The following NOX4 variants were observed in gnomAD, a reference collection of about 807,000 sequenced individuals.
NOX4 encodes NADPH oxidase 4, also known as kidney oxidase-1.
NOX4 carries 69 observed loss-of-function variants against 87.6 expected under a neutral mutation model. The ratio of observed to expected loss-of-function variants is 0.79; its 90% CI spans 0.65 to 0.96. The LOEUF (loss-of-function observed/expected upper bound fraction) is 0.96, where lower values mean the gene tolerates loss of function less well. Ranked by LOEUF, NOX4 falls within the 40% of genes least tolerant of loss-of-function variation. The pLI, the probability that NOX4 is intolerant of heterozygous loss-of-function variation, is 0.00. For missense variants in NOX4, 680 were observed against 681.5 expected, an observed-to-expected ratio of 1.00 and a Z score of 0.02; for synonymous variants, 275 against 238.2, an observed-to-expected ratio of 1.15 and a Z score of -1.42.
chr11:89,440,519 T>C (rs1944409498), intron 6 of NOX4, among the ~76,000 whole-genome samples, 169 bp downstream of exon 6: 2 of 151,954 alleles, frequency 1.3e-5, no homozygotes, highest in Non-Finnish European at 2.9e-5. Flanking sequence ...GAGATGGGGT[T>C]TCATCATGTT....
At chr11:89,584,967 G>C in the NOX4 span, among the ~76,000 whole-genome samples, 2 of 152,080 alleles carry the variant, frequency 1.3e-5, no homozygotes, top group African/African-American at 4.8e-5. Flanking sequence ...TAGCCTAGGG[G>C]TGTTAAGTTG....
the NOX4 span, among the ~76,000 whole-genome samples, chr11:89,571,939 T>G: frequency 6.6e-6 from 1 of 152,222 alleles, no homozygotes; most frequent in Non-Finnish European, 1.5e-5. Flanking sequence ...CTGCATTGTT[T>G]ATGTAAAAAT....
At chr11:89,533,412 G>A in the NOX4 span, among the ~76,000 whole-genome samples, 3 of 150,936 alleles carry the variant, frequency 2.0e-5, no homozygotes, top group Admixed American at 1.3e-4. Context: ...AAATCTCACA[G>A]CAATACAACA....
chr11:89,453,208 C>T (rs1427040731), intron 2 of NOX4, among the ~76,000 whole-genome samples: 1 of 151,814 alleles, frequency 6.6e-6, no homozygotes, highest in African/African-American at 2.4e-5. Flanking sequence ...CTGTCCACTC[C>T]CATCCCCATG....
the NOX4 span, among the ~76,000 whole-genome samples, chr11:89,508,733 ATGCTGTGTTACGTAG>A: frequency 1.3e-5 from 2 of 152,184 alleles, no homozygotes; most frequent in Admixed American, 1.3e-4. Context: ...CCTGTTCTCA[ATGCTGTGTTACGTAG>A]TGCTCAAAAC....
chr11:89,460,492 G>A (rs1050973642), intron 2 of NOX4, among the ~76,000 whole-genome samples: 1 of 152,130 alleles, frequency 6.6e-6, no homozygotes, highest in African/African-American at 2.4e-5. Flanking sequence ...CAAAAAGTGG[G>A]CGAAGGATAT....
intron 2 of NOX4, among the ~76,000 whole-genome samples, chr11:89,476,024 C>T (rs1487085820): frequency 1.3e-5 from 2 of 152,112 alleles, no homozygotes; most frequent in African/African-American, 4.8e-5. Flanking sequence ...CTGCCATGTA[C>T]AAAACAAAAC....
chr11:89,571,778 T>C, the NOX4 span, among the ~76,000 whole-genome samples: 80,255 of 151,698 alleles, frequency 0.53, 22,224 homozygotes, highest in African/African-American at 0.69. Flanking sequence ...AAACCTGCCT[T>C]CCATTGTATT....
At chr11:89,393,417 CT>C (rs1462748810) in intron 11 of NOX4, among the ~76,000 whole-genome samples, 1 of 151,692 alleles carries the variant, frequency 6.6e-6, no homozygotes, top group Non-Finnish European at 1.5e-5. Flanking sequence ...CTAAAACTTT[CT>C]GCCTATTGGG....
At chr11:89,413,826 C>T (rs3907859) in intron 8 of NOX4, among the ~76,000 whole-genome samples, 62,797 of 151,816 alleles carry the variant, frequency 0.41, 13,406 homozygotes, top group East Asian at 0.56. Flanking sequence ...ATGAATATCT[C>T]ATTTATGCAA....
intron 13 of NOX4, among the ~76,000 whole-genome samples, chr11:89,352,042 T>C (rs1946478441): frequency 6.6e-6 from 1 of 152,076 alleles, no homozygotes; most frequent in African/African-American, 2.4e-5. Context: ...CACTTAAAAG[T>C]GGGAGCTAGA....
At chr11:89,412,686 T>G (rs943239553) in intron 8 of NOX4, among the ~76,000 whole-genome samples, 1 of 151,932 alleles carries the variant, frequency 6.6e-6, no homozygotes, top group African/African-American at 2.4e-5. Flanking sequence ...AAATCAAAAT[T>G]GATTGAAGAC....
At chr11:89,451,481 T>C (rs565838282) in intron 3 of NOX4, among the ~76,000 whole-genome samples, 86 of 152,294 alleles carry the variant, frequency 5.6e-4, no homozygotes, top group Admixed American at 1.4e-3. Flanking sequence ...TGAGGTTTCT[T>C]GTGTGTGAAA....
chr11:89,390,443 T>C (rs1207343297), intron 11 of NOX4, among the ~76,000 whole-genome samples: 1 of 152,218 alleles, frequency 6.6e-6, no homozygotes, highest in African/African-American at 2.4e-5. Context: ...CCAACTATTG[T>C]AACAATTTAA....
At chr11:89,509,235 C>T in the NOX4 span, among the ~76,000 whole-genome samples, 2 of 87,016 alleles carry the variant, frequency 2.3e-5, no homozygotes, top group Non-Finnish European at 5.2e-5. Flanking sequence ...AACAATATAT[C>T]TTGATTACTA....
chr11:89,407,812 A>G (rs1189721805), intron 8 of NOX4, among the ~76,000 whole-genome samples: 3 of 149,960 alleles, frequency 2.0e-5, no homozygotes, highest in Non-Finnish European at 4.4e-5. Context: ...ACCACACCTG[A>G]CAAAAGGACA....
intron 12 of NOX4, among the ~76,000 whole-genome samples, chr11:89,358,939 A>G (rs1387671659): frequency 5.9e-5 from 9 of 152,052 alleles, no homozygotes; most frequent in Admixed American, 5.9e-4. Context: ...ACTGGAAAAA[A>G]AAAAACAGGA....
intron 8 of NOX4, among the ~76,000 whole-genome samples, chr11:89,415,899 G>A (rs1350950091): frequency 6.6e-6 from 1 of 152,056 alleles, no homozygotes; most frequent in African/African-American, 2.4e-5. Context: ...CCATGGTAGT[G>A]GACATCTAAT....
At chr11:89,486,652 ATGTGTATATATACATATATATG>A (rs1419765519) in intron 2 of NOX4, among the ~76,000 whole-genome samples, 4 of 111,736 alleles carry the variant, frequency 3.6e-5, no homozygotes, top group African/African-American at 1.6e-4. Context: ...GTGTGTATAT[ATGTGTATATATACATATATATG>A]TGTGTATATA....
Sources: gnomAD v4.1 joint callset for allele counts (sites outside exome capture counted in the v4.1 genomes callset) on GRCh38, gnomAD v4.1.1 for gene constraint, MANE v1.5 for transcripts, NCBI Gene and HGNC (gene_info 2026-07-23, HGNC 2026-07-21) for gene names.